Variants in ST7 observed in about 807,000 individuals in gnomAD.
The protein encoded by ST7 is suppressor of tumorigenicity 7 protein.
Under a neutral mutation model 78.7 loss-of-function variants are expected in ST7, and 28 were observed. That is an observed-to-expected ratio of 0.36 (90% CI 0.26 to 0.49). The LOEUF (loss-of-function observed/expected upper bound fraction) is 0.49. Among genes scored for constraint, ST7 ranks in the 20% least tolerant of loss-of-function variants. The probability of loss-of-function intolerance (pLI) is 0.99; values close to 1 mark genes in which losing one functional copy is unlikely to be tolerated. For missense variants in ST7, 418 were observed against 696.0 expected, an observed-to-expected ratio of 0.60 and a Z score of 4.49; for synonymous variants, 247 against 249.6, an observed-to-expected ratio of 0.99 and a Z score of 0.10.
At chr7:117,138,376 A>G (rs1231671463) in intron 8 of ST7, 59 bp from the exon 9 acceptor site, 2 of 1,202,432 alleles carry the variant, frequency 1.7e-6, no homozygotes, top group Admixed American at 4.7e-5. Context: ...GGGCAAGGCA[A>G]ATGGGCCTCT....
intron 9 of ST7, among the ~76,000 whole-genome samples, chr7:117,150,374 T>C (rs778286256): frequency 2.6e-5 from 4 of 152,192 alleles, no homozygotes; most frequent in African/African-American, 4.8e-5. Flanking sequence ...GCCTAAAAAT[T>C]CTTCATAGTG....
intron 1 of ST7, among the ~76,000 whole-genome samples, chr7:117,099,260 C>A (rs1227515962): frequency 6.6e-6 from 1 of 151,958 alleles, no homozygotes; most frequent in East Asian, 1.9e-4. Flanking sequence ...AATAACTTGT[C>A]AATTTGTCCT....
At chr7:116,991,416 G>C (rs1307539932) in intron 1 of ST7, among the ~76,000 whole-genome samples, 23 of 152,156 alleles carry the variant, frequency 1.5e-4, no homozygotes, top group Admixed American at 1.5e-3. Context: ...CAGAATCATG[G>C]GGGGAGGCAA....
intron 1 of ST7, among the ~76,000 whole-genome samples, chr7:117,041,492 G>T (rs1797226802): frequency 6.6e-6 from 1 of 152,120 alleles, no homozygotes; most frequent in African/African-American, 2.4e-5. Flanking sequence ...TTTGATTAAT[G>T]CTTGGTGCTA....
intron 10 of ST7, among the ~76,000 whole-genome samples, chr7:117,182,220 G>A (rs1808825555): frequency 6.6e-6 from 1 of 152,114 alleles, no homozygotes; most frequent in Admixed American, 6.5e-5. Flanking sequence ...CTATAAAACA[G>A]GGCTAACAGT....
At chr7:116,988,519 TA>T (rs1450897913) in intron 1 of ST7, among the ~76,000 whole-genome samples, 2 of 152,344 alleles carry the variant, frequency 1.3e-5, no homozygotes, top group African/African-American at 2.4e-5. Flanking sequence ...AATTTTATTA[TA>T]AAGCTAATTC....
At chr7:117,181,524 G>A (rs1808769578) in intron 10 of ST7, among the ~76,000 whole-genome samples, 1 of 152,158 alleles carries the variant, frequency 6.6e-6, no homozygotes. Context: ...GTCCTGTACT[G>A]TTGTTCAGTT....
chr7:117,151,761 G>A (rs1806263359), intron 9 of ST7, among the ~76,000 whole-genome samples: 1 of 152,236 alleles, frequency 6.6e-6, no homozygotes, highest in Admixed American at 6.5e-5. Flanking sequence ...TGTATGGGGA[G>A]TAGAGGGGTA....
intron 1 of ST7, among the ~76,000 whole-genome samples, chr7:117,074,969 T>G (rs1389367768): frequency 6.6e-6 from 1 of 152,210 alleles, no homozygotes; most frequent in African/African-American, 2.4e-5. Flanking sequence ...TATCACAATT[T>G]GGGTTAGTGG....
At chr7:117,107,274 G>T (rs1045541613) in intron 2 of ST7, among the ~76,000 whole-genome samples, 1 of 152,142 alleles carries the variant, frequency 6.6e-6, no homozygotes, top group East Asian at 1.9e-4. Flanking sequence ...TTGCCTCTGG[G>T]TAGGTACCTG....
rs530664077 is a variant in ST7 at position 117,199,829 on chromosome 7, T to C, written c.1254+8893T>C. Among the ~76,000 whole-genome samples, 67 of 152,284 alleles carry C rather than the reference T, an allele frequency of 4.4e-4. 1 individual carries two copies. In the South Asian group the frequency reaches 8.5e-3, roughly 19 times the overall value. On this transcript the variant is annotated intron_variant, in intron 12 of 15. Transcript: ENST00000323984. ...CGAGGCAACCAGCTCACAGTCAGAGTTGGGGCAGATAGCCCAGGTGCTCTG... is the reference window on the plus strand; with the variant it reads ...CGAGGCAACCAGCTCACAGTCAGAGCTGGGGCAGATAGCCCAGGTGCTCTG...
intron 4 of ST7, among the ~76,000 whole-genome samples, chr7:117,130,217 A>G (rs1337504457): frequency 6.6e-6 from 1 of 151,924 alleles, no homozygotes; most frequent in Non-Finnish European, 1.5e-5. Flanking sequence ...GCTTTAGGAA[A>G]GTGTCTATTC....
chr7:116,969,287 G>C (rs1011688369), intron 1 of ST7, among the ~76,000 whole-genome samples: 1 of 151,510 alleles, frequency 6.6e-6, no homozygotes, highest in Non-Finnish European at 1.5e-5. Context: ...AATCCTCTTG[G>C]ATGTGGCAGT....
At position 117,195,716 on chromosome 7, in the gene ST7, G is replaced by A. The variant is rs940123614; in HGVS notation, c.1254+4780G>A. On this transcript the variant is annotated intron_variant, in intron 12 of 15. Transcript: ENST00000323984. Reference sequence around the variant, plus strand: ...TCATGAGAACAGCATGCAGATAACCGCTCCCATGATTCAGTTACCTCCCAC... The same window carrying A: ...TCATGAGAACAGCATGCAGATAACCACTCCCATGATTCAGTTACCTCCCAC... 1.6e-4 allele frequency among the ~76,000 whole-genome samples: 25 copies of A among 152,180 alleles called. 1 individual carries two copies. Among genetic ancestry groups the A allele is most frequent in the Admixed American group, 1.2e-3 (19 of 15,274 alleles).
intron 1 of ST7, chr7:116,959,703 A>G (rs1792722671): frequency 6.6e-6 from 1 of 152,230 alleles, no homozygotes; most frequent in East Asian, 1.9e-4. Flanking sequence ...TAAAAGGACA[A>G]TTTTTTGATT....
At chr7:117,182,139 T>C (rs879638529) in intron 10 of ST7, among the ~76,000 whole-genome samples, 2 of 152,208 alleles carry the variant, frequency 1.3e-5, no homozygotes, top group African/African-American at 4.8e-5. Flanking sequence ...TTTAAAATCA[T>C]GTGCTCAGAT....
chr7:117,121,347 G>T (rs775208920), intron 3 of ST7, among the ~76,000 whole-genome samples: 1 of 152,206 alleles, frequency 6.6e-6, no homozygotes, highest in Non-Finnish European at 1.5e-5. Flanking sequence ...ACCTGGCTGA[G>T]CAATGCCATC....
At chr7:117,193,882 C>T (rs1810026913) in intron 12 of ST7, among the ~76,000 whole-genome samples, 2 of 152,202 alleles carry the variant, frequency 1.3e-5, no homozygotes, top group Admixed American at 1.3e-4. Flanking sequence ...TCCAGCTTCG[C>T]TTCATCTGGT....
chr7:117,070,779 G>A (rs1257327894), intron 1 of ST7, among the ~76,000 whole-genome samples: 6 of 152,002 alleles, frequency 3.9e-5, no homozygotes, highest in African/African-American at 9.7e-5. Context: ...TCTTGACCTT[G>A]TGATCCGCCC....
Sources: gnomAD v4.1 joint callset for allele counts (sites outside exome capture counted in the v4.1 genomes callset) on GRCh38, gnomAD v4.1.1 for gene constraint, MANE v1.5 for transcripts, NCBI Gene and HGNC (gene_info 2026-07-23, HGNC 2026-07-21) for gene names.